The following MYO3B variants were observed in gnomAD, a reference collection of about 807,000 sequenced individuals.
The protein encoded by MYO3B is myosin-IIIb.
A neutral mutation model predicts 174.6 loss-of-function variants in MYO3B; 156 were observed. The observed-to-expected ratio is 0.89, with a 90% CI of 0.78 to 1.02. The LOEUF is 1.02. Ranked by LOEUF, MYO3B falls within the 50% of genes least tolerant of loss-of-function variation. MYO3B has a pLI of 0.00. For missense variants in MYO3B, 1,632 were observed against 1,639.4 expected (o/e 1.00, Z 0.08); for synonymous variants, 563 against 569.1 (o/e 0.99, Z 0.15).
At chr2:170,517,076 T>G (rs13007341) in intron 29 of MYO3B, among the ~76,000 whole-genome samples, 1 of 152,022 alleles carries the variant, frequency 6.6e-6, no homozygotes, top group Non-Finnish European at 1.5e-5. Context: ...CAATTTCGGA[T>G]GCTGCCTTGA....
intron 32 of MYO3B, among the ~76,000 whole-genome samples, chr2:170,564,011 T>C (rs1330133411): frequency 6.6e-6 from 1 of 152,196 alleles, no homozygotes; most frequent in African/African-American, 2.4e-5. Context: ...CTACCCAAGA[T>C]AGAATTTAAT....
At chr2:170,447,339 G>A (rs1574993740) in intron 23 of MYO3B, among the ~76,000 whole-genome samples, 1 of 152,230 alleles carries the variant, frequency 6.6e-6, no homozygotes, top group African/African-American at 2.4e-5. Flanking sequence ...TCTTCTTAAG[G>A]GATAGATGTA....
At chr2:170,461,842 C>T (rs1358387693) in intron 23 of MYO3B, among the ~76,000 whole-genome samples, 11 of 149,948 alleles carry the variant, frequency 7.3e-5, no homozygotes, top group African/African-American at 1.2e-4. Context: ...GTATGGAGGT[C>T]GGCGGGGCCG....
intron 32 of MYO3B, among the ~76,000 whole-genome samples, chr2:170,570,241 C>T (rs1450836764): frequency 6.6e-6 from 1 of 152,144 alleles, no homozygotes; most frequent in Non-Finnish European, 1.5e-5. Context: ...TGCCCATCTG[C>T]TGTAACAAGA....
At chr2:170,286,391 G>C (rs2093556528) in intron 7 of MYO3B, among the ~76,000 whole-genome samples, 1 of 152,118 alleles carries the variant, frequency 6.6e-6, no homozygotes, top group South Asian at 2.1e-4. Context: ...CTTGCTTGCT[G>C]GGAGTACTGG....
At chr2:170,400,398 G>C in intron 17 of MYO3B, 84 bp downstream of exon 17, 1 of 1,376,110 alleles carries the variant, frequency 7.3e-7, no homozygotes, top group Non-Finnish European at 9.6e-7. Context: ...AGCATTTGCT[G>C]GTCCTTTTTT....
At chr2:170,239,241 A>T (rs1446985808) in intron 7 of MYO3B, among the ~76,000 whole-genome samples, 1 of 152,260 alleles carries the variant, frequency 6.6e-6, no homozygotes, top group Non-Finnish European at 1.5e-5. Context: ...GATCTTGAAG[A>T]TGACCTGGAT....
chr2:170,352,665 A>C (rs747207589), intron 8 of MYO3B, among the ~76,000 whole-genome samples: 45 of 152,214 alleles, frequency 3.0e-4, no homozygotes, highest in Non-Finnish European at 5.1e-4. Flanking sequence ...CACCATAGCC[A>C]ATTTCAAGCT....
At chr2:170,465,244 A>G (rs1398589730) in intron 24 of MYO3B, among the ~76,000 whole-genome samples, 1 of 152,166 alleles carries the variant, frequency 6.6e-6, no homozygotes, top group African/African-American at 2.4e-5. Context: ...GCCTGGCACC[A>G]GCATCTACTT....
chr2:170,357,359 TA>T (rs2094130215), intron 8 of MYO3B, among the ~76,000 whole-genome samples: 1 of 147,026 alleles, frequency 6.8e-6, no homozygotes, highest in African/African-American at 2.5e-5. Flanking sequence ...ATATTTTATA[TA>T]TTATATATTT....
At chr2:170,438,895 G>C (rs1392662953) in intron 22 of MYO3B, among the ~76,000 whole-genome samples, 1 of 151,922 alleles carries the variant, frequency 6.6e-6, no homozygotes, top group East Asian at 1.9e-4. Context: ...GCCTCCCAAA[G>C]TGCTGGGATT....
intron 7 of MYO3B, among the ~76,000 whole-genome samples, chr2:170,241,156 A>G (rs1349700199): frequency 1.3e-5 from 2 of 149,498 alleles, no homozygotes; most frequent in Non-Finnish European, 3.0e-5. Context: ...GGAAAAGCTC[A>G]TTCTTGGTCT....
chr2:170,191,706 G>A (rs921786645), intron 1 of MYO3B, among the ~76,000 whole-genome samples: 1 of 152,124 alleles, frequency 6.6e-6, no homozygotes, highest in Non-Finnish European at 1.5e-5. Context: ...CTGGGAGATT[G>A]GGGGAAGGGT....
chr2:170,213,169 G>C (rs1446114264), intron 3 of MYO3B, among the ~76,000 whole-genome samples: 1 of 152,136 alleles, frequency 6.6e-6, no homozygotes, highest in Non-Finnish European at 1.5e-5. Flanking sequence ...TGATGAAAAA[G>C]TATTGTAGCA....
chr2:170,444,303 T>G (rs577769934), intron 23 of MYO3B, among the ~76,000 whole-genome samples: 1 of 152,320 alleles, frequency 6.6e-6, no homozygotes, highest in Non-Finnish European at 1.5e-5. Flanking sequence ...AGATAAAGCA[T>G]TTCTCTGACA....
chr2:170,291,113 G>A (rs1043342744), intron 7 of MYO3B, among the ~76,000 whole-genome samples: 2 of 151,996 alleles, frequency 1.3e-5, no homozygotes, highest in African/African-American at 4.8e-5. Flanking sequence ...GCCAGGCATG[G>A]TGATGGGCAC....
intron 7 of MYO3B, among the ~76,000 whole-genome samples, chr2:170,287,100 T>C (rs2093562150): frequency 6.6e-6 from 1 of 152,196 alleles, no homozygotes; most frequent in Non-Finnish European, 1.5e-5. Context: ...TGTGTATGTC[T>C]ACCACATTTT....
chr2:170,399,772 T>G (rs2094463433), intron 16 of MYO3B, among the ~76,000 whole-genome samples: 1 of 152,186 alleles, frequency 6.6e-6, no homozygotes, highest in Admixed American at 6.5e-5. Context: ...TGAAAGTGGC[T>G]TAAAGAACAA....
intron 22 of MYO3B, among the ~76,000 whole-genome samples, chr2:170,440,140 G>A (rs1235441097): frequency 6.6e-6 from 1 of 152,140 alleles, no homozygotes; most frequent in East Asian, 1.9e-4. Context: ...TACTCTTGGT[G>A]ATTTTATCAA....
Sources: gnomAD v4.1 joint callset for allele counts (sites outside exome capture counted in the v4.1 genomes callset) on GRCh38, gnomAD v4.1.1 for gene constraint, MANE v1.5 for transcripts, NCBI Gene and HGNC (gene_info 2026-07-23, HGNC 2026-07-21) for gene names.